The following SPAG16 variants were observed in gnomAD, a reference collection of about 807,000 sequenced individuals.
SPAG16 encodes the protein sperm-associated antigen 16 protein.
Under a neutral mutation model 80.4 loss-of-function variants are expected in SPAG16, and 86 were observed. That is an observed-to-expected ratio of 1.07 (90% confidence interval 0.90 to 1.28). SPAG16 has a LOEUF of 1.28. Ranked by LOEUF, SPAG16 falls within the 50% of genes most tolerant of loss-of-function variation. The pLI is 0.00. For missense variants in SPAG16, 870 were observed against 765.3 expected (o/e 1.14, Z -1.61); for synonymous variants, 294 against 265.9 (o/e 1.11, Z -1.03).
intron 13 of SPAG16, among the ~76,000 whole-genome samples, chr2:214,091,135 A>C (rs549930925): frequency 6.6e-6 from 1 of 152,256 alleles, no homozygotes; most frequent in African/African-American, 2.4e-5. Flanking sequence ...TGAGCTAACC[A>C]GTGCTAATTA....
intron 10 of SPAG16, among the ~76,000 whole-genome samples, chr2:213,831,039 T>A (rs60010934): frequency 9.0e-4 from 127 of 141,476 alleles, no homozygotes; most frequent in African/African-American, 3.2e-3. Context: ...CATGACTTTT[T>A]TTTTTTTTTT....
chr2:213,528,585 T>C (rs1001465892), intron 10 of SPAG16, among the ~76,000 whole-genome samples: 7 of 152,140 alleles, frequency 4.6e-5, no homozygotes, highest in Admixed American at 2.6e-4. Flanking sequence ...AGTGACTTGT[T>C]ACTTCCCTAC....
chr2:213,460,623 T>C (rs1231692321), intron 9 of SPAG16, among the ~76,000 whole-genome samples: 1 of 152,200 alleles, frequency 6.6e-6, no homozygotes, highest in African/African-American at 2.4e-5. Flanking sequence ...TAATCTTTGA[T>C]TTTGTTATGA....
At chr2:214,380,710 C>CAGTT (rs1490530338) in intron 15 of SPAG16, among the ~76,000 whole-genome samples, 1 of 152,156 alleles carries the variant, frequency 6.6e-6, no homozygotes, top group African/African-American at 2.4e-5. Context: ...TTTTTCACGG[C>CAGTT]AGTTGTGAAT....
At position 213,366,382 on chromosome 2, in the gene SPAG16, T is replaced by C. The variant is rs552901586; in HGVS notation, c.832+2237T>C. 8.6e-5 allele frequency among the ~76,000 whole-genome samples: 13 copies of C among 151,852 alleles called. No individual in the cohort carries two copies. The East Asian group carries it at 2.5e-3, about 29-fold the overall frequency. On this transcript the variant is annotated intron_variant, in intron 8 of 15. Coordinates refer to ENST00000331683, the MANE Select transcript of SPAG16 (RefSeq NM_024532.5). The stretch of plus-strand genomic sequence containing the variant: ...CACAATGTGTTGAAATTGTTGAAAA[T>C]TGAAGTGAGAAAATCTTTTTTTTTT...
At chr2:214,379,193 T>G (rs1021541437) in intron 15 of SPAG16, among the ~76,000 whole-genome samples, 21 of 152,354 alleles carry the variant, frequency 1.4e-4, no homozygotes, top group Admixed American at 1.3e-4. Context: ...CTTCTTAATA[T>G]GTTTTATAAA....
chr2:214,023,331 G>C (rs2047975164), intron 13 of SPAG16, among the ~76,000 whole-genome samples: 1 of 151,546 alleles, frequency 6.6e-6, no homozygotes, highest in Non-Finnish European at 1.5e-5. Flanking sequence ...CAAAATGACT[G>C]ACTGGTTTGG....
At chr2:214,345,697 C>G (rs575775020) in intron 15 of SPAG16, among the ~76,000 whole-genome samples, 2 of 152,234 alleles carry the variant, frequency 1.3e-5, no homozygotes, top group South Asian at 2.1e-4. Context: ...ACTCCCAATC[C>G]CTTTCTGCTC....
intron 10 of SPAG16, among the ~76,000 whole-genome samples, chr2:213,676,251 A>G (rs1482484904): frequency 9.9e-5 from 15 of 152,010 alleles, no homozygotes; most frequent in African/African-American, 2.7e-4. Context: ...AGACTTTGCT[A>G]AAGTTGCTTA....
At position 214,063,467 on chromosome 2, in the gene SPAG16, T is replaced by C. The variant is rs570953309; in HGVS notation, c.1528-44729T>C. 2.6e-5 allele frequency among the ~76,000 whole-genome samples: 4 copies of C among 152,304 alleles called. No homozygotes were observed. In the East Asian group the frequency reaches 5.8e-4, roughly 22 times the overall value. ...CATCCTATGGAGAGGAGGAGCACTGTGTCTTCACATGGCAGGAGAAACAGG... is the reference window on the plus strand; with the variant it reads ...CATCCTATGGAGAGGAGGAGCACTGCGTCTTCACATGGCAGGAGAAACAGG... On this transcript the variant is annotated intron_variant, in intron 13 of 15. Coordinates refer to ENST00000331683, the MANE Select transcript of SPAG16 (RefSeq NM_024532.5).
chr2:213,508,416 C>CA (rs1329146980), intron 10 of SPAG16, among the ~76,000 whole-genome samples: 5 of 151,926 alleles, frequency 3.3e-5, no homozygotes, highest in African/African-American at 7.2e-5. Context: ...ACTAAAAATA[C>CA]AAAAAATTAG....
At chr2:213,899,489 A>G (rs776182632) in intron 11 of SPAG16, among the ~76,000 whole-genome samples, 2 of 152,112 alleles carry the variant, frequency 1.3e-5, no homozygotes, top group Non-Finnish European at 2.9e-5. Context: ...AAAAATTAAA[A>G]TGAGAGATCC....
At chr2:214,386,626 C>T (rs1559262674) in intron 15 of SPAG16, among the ~76,000 whole-genome samples, 1 of 151,948 alleles carries the variant, frequency 6.6e-6, no homozygotes, top group Non-Finnish European at 1.5e-5. Flanking sequence ...CTTTGGGAGG[C>T]TGCGGCAGAT....
rs542587812 is a variant in SPAG16, at chr2:213,932,224, T to C, written c.1400+2079T>C. Among the ~76,000 whole-genome samples the C allele has an allele frequency of 1.2e-3, 170 of 147,434 alleles. 1 individual carries two copies. The highest frequency in any genetic ancestry group is 4.3e-3 in the Admixed American group (63 of 14,604). On this transcript the variant is annotated intron_variant, in intron 12 of 15. Coordinates refer to ENST00000331683, the MANE Select transcript of SPAG16 (RefSeq NM_024532.5). ...TTTGTTGTTGTTGTTGTTGTTGTTGTTTTTAAGACTGAATCTTGTTCTGTC... is the reference window on the plus strand; with the variant it reads ...TTTGTTGTTGTTGTTGTTGTTGTTGCTTTTAAGACTGAATCTTGTTCTGTC...
intron 15 of SPAG16, among the ~76,000 whole-genome samples, chr2:214,398,275 T>A (rs1341815573): frequency 6.6e-6 from 1 of 152,246 alleles, no homozygotes; most frequent in African/African-American, 2.4e-5. Flanking sequence ...ATAAATATAT[T>A]TGTTAAACTT....
chr2:213,385,683 C>T (rs751951675), intron 9 of SPAG16, among the ~76,000 whole-genome samples: 4 of 152,014 alleles, frequency 2.6e-5, no homozygotes, highest in Non-Finnish European at 5.9e-5. Flanking sequence ...GAGAGGTGTG[C>T]TCGTCTCTAA....
At chr2:213,733,282 G>A (rs923315225) in intron 10 of SPAG16, among the ~76,000 whole-genome samples, 1 of 150,978 alleles carries the variant, frequency 6.6e-6, no homozygotes, top group Non-Finnish European at 1.5e-5. Context: ...TTTGTCAGAT[G>A]GATAGACTGC....
At chr2:214,282,124 T>C (rs951697317) in intron 15 of SPAG16, among the ~76,000 whole-genome samples, 1 of 152,196 alleles carries the variant, frequency 6.6e-6, no homozygotes, top group African/African-American at 2.4e-5. Context: ...GTTAAAACAT[T>C]GAATTGTACA....
chr2:213,574,733 C>A (rs1053517204), intron 10 of SPAG16, among the ~76,000 whole-genome samples: 2 of 144,212 alleles, frequency 1.4e-5, no homozygotes, highest in East Asian at 2.1e-4. Flanking sequence ...TGAGCTATAC[C>A]TGGTCATGGT....
Sources: allele counts gnomAD v4.1 joint callset (sites outside exome capture counted in the v4.1 genomes callset), GRCh38; gene constraint gnomAD v4.1.1; transcripts MANE v1.5; gene names NCBI Gene and HGNC (gene_info 2026-07-23, HGNC 2026-07-21).